CWF19L1: variants seen among roughly 807,000 people sequenced by gnomAD.
The protein encoded by CWF19L1 is CWF19 like cell cycle control factor 1.
A neutral mutation model predicts 69.7 loss-of-function variants in CWF19L1; 60 were observed. The ratio of observed to expected loss-of-function variants is 0.86; its 90% CI spans 0.70 to 1.07. The LOEUF (loss-of-function observed/expected upper bound fraction) is 1.07, where lower values mean the gene tolerates loss of function less well. CWF19L1 is among the 50% of genes least tolerant of loss of function. The probability of loss-of-function intolerance (pLI) is 0.00; values close to 1 mark genes in which losing one functional copy is unlikely to be tolerated. For synonymous variants in CWF19L1, 209 were observed against 222.2 expected, an observed-to-expected ratio of 0.94 and a Z score of 0.53; for missense variants, 591 against 638.9, an observed-to-expected ratio of 0.92 and a Z score of 0.81.
intron 10 of CWF19L1, among the ~76,000 whole-genome samples, chr10:100,240,786 G>A (rs1332915933): frequency 6.6e-6 from 1 of 152,062 alleles, no homozygotes; most frequent in African/African-American, 2.4e-5. Context: ...TATACAAATT[G>A]TGTGGGAGAG....
intron 11 of CWF19L1, chr10:100,237,282 A>G (rs1442899945): frequency 1.8e-6 from 1 of 555,662 alleles, no homozygotes; most frequent in Non-Finnish European, 3.5e-6. Context: ...CAAATGTGCC[A>G]AAAAGAAAAC....
chr10:100,247,081 G>A (rs1846850552), intron 7 of CWF19L1, 146 bp from the exon 8 acceptor site: 1 of 690,516 alleles, frequency 1.4e-6, no homozygotes, highest in Non-Finnish European at 2.2e-6. Flanking sequence ...ATAGCTCAGA[G>A]AGTAAACAGT....
At chr10:100,239,629 A>C (rs1284121929) in intron 10 of CWF19L1, among the ~76,000 whole-genome samples, 3 of 152,212 alleles carry the variant, frequency 2.0e-5, no homozygotes, top group South Asian at 2.1e-4. Context: ...ACAGAACAAG[A>C]CTGTCTCAGG....
At chr10:100,265,013 C>T (rs1280882472) in intron 1 of CWF19L1, among the ~76,000 whole-genome samples, 2 of 151,094 alleles carry the variant, frequency 1.3e-5, no homozygotes, top group African/African-American at 4.9e-5. Flanking sequence ...CCCAGCTACT[C>T]AGGAGGCTGA....
Position 100,250,121 on chromosome 10 carries a change from A to T in CWF19L1, c.708+127T>A, listed in dbSNP as rs1846973128. ...TTTCATTACCATACCTTTACAAAGG[A>T]GTCTCCGAAACTGCTGAGACCTTGC... On this transcript the variant is annotated intron_variant, in intron 7 of 13. Transcript: ENST00000354105. 5.7e-6 allele frequency: 4 copies of T among 705,950 alleles called. No individual in the cohort carries two copies. In the East Asian group the frequency reaches 1.0e-4, roughly 18 times the overall value. The allele number at this position is 705,950 out of a possible 1,614,324, so 43.7% of individuals were successfully genotyped here.
chr10:100,253,738 T>C (rs1847118848), intron 5 of CWF19L1, 199 bp from the exon 6 acceptor site: 5 of 457,542 alleles, frequency 1.1e-5, no homozygotes, highest in Non-Finnish European at 1.9e-5. Context: ...ACTATGAATG[T>C]AGAAATAGGA....
At chr10:100,254,374 C>CA (rs1847142153) in intron 5 of CWF19L1, 1 of 152,200 alleles carries the variant, frequency 6.6e-6, no homozygotes, top group Admixed American at 6.5e-5. Context: ...GGCATAACCA[C>CA]ACCCTTCTTA....
rs1847435673 is a variant in CWF19L1, at chr10:100,262,410, TCACA to T, written c.24-351_24-348del. ...ATCAATCCCTTTTTCCAAACATCTT[TCACA>T]TTCATTCTATCCTTCTTATTTTGAC... On this transcript the variant is annotated intron_variant, in intron 1 of 13. Transcript: ENST00000354105. 7.1e-6 allele frequency: 7 copies of T among 983,506 alleles called. No individual in the cohort carries two copies. The African/African-American group carries it at 7.1e-5, about 10-fold the overall frequency. The allele number at this position is 983,506 out of a possible 1,614,324, so 60.9% of individuals were successfully genotyped here. A position where few individuals can be genotyped will look rare whatever the true frequency, so the allele number is the denominator to read the frequency against.
chr10:100,238,455 C>T (rs1224035670), intron 10 of CWF19L1, among the ~76,000 whole-genome samples: 1 of 152,160 alleles, frequency 6.6e-6, no homozygotes, highest in Non-Finnish European at 1.5e-5. Flanking sequence ...ATGCAAGTAG[C>T]AAATGAACTA....
rs1349918391 is a variant in CWF19L1 at position 100,238,142 on chromosome 10, T to G, written c.1134A>C (p.Ser378=). ...TCTCCACCTCTTCTACCACCTCTGC[T>G]GAAAGCTCCACCACTGACTGGTAGT... ...IGHYQSVVEL[S]AEVVEEVEKY... is the part of the protein sequence containing the mutation. Residue 378 remains serine (S), a synonymous_variant, in exon 11 of 14, where the codon TCA becomes TCC. Transcript: ENST00000354105. The G allele has an allele frequency of 6.2e-7, 1 of 1,614,162 alleles. No individual in the cohort carries two copies. Among genetic ancestry groups the G allele is most frequent in the Non-Finnish European group, 8.5e-7 (1 of 1,180,018 alleles).
rs117727342 is a variant in CWF19L1 at position 100,266,097 on chromosome 10, C to T, written c.23+1474G>A. ...GCTCAATCCTAACATTCTCGGGAAGCCTTCTTGACTCCTATCATTAAGCCA... is the reference window on the plus strand; with the variant it reads ...GCTCAATCCTAACATTCTCGGGAAGTCTTCTTGACTCCTATCATTAAGCCA... On this transcript the variant is annotated intron_variant, in intron 1 of 13. Coordinates refer to ENST00000354105, the MANE Select transcript of CWF19L1 (RefSeq NM_018294.6). 5.7e-3 allele frequency among the ~76,000 whole-genome samples: 873 copies of T among 152,176 alleles called. 4 individuals carry two copies. Among genetic ancestry groups the T allele is most frequent in the Non-Finnish European group, 8.9e-3 (605 of 68,010 alleles).
intron 1 of CWF19L1, among the ~76,000 whole-genome samples, chr10:100,265,643 CTT>C (rs1217304467): frequency 3.3e-5 from 5 of 151,812 alleles, no homozygotes; most frequent in African/African-American, 1.2e-4. Context: ...GCCTCAACCT[CTT>C]GAGTAGCTGG....
In CWF19L1 at chr10:100,233,382, A is replaced by G; in HGVS notation, c.1473-11T>C. ...CTGGCCAGGACCTCCCTGCAGAAATAGCACAAAGAAGTCAAAATGGAAACT... is the reference window on the plus strand; with the variant it reads ...CTGGCCAGGACCTCCCTGCAGAAATGGCACAAAGAAGTCAAAATGGAAACT... On this transcript the variant is annotated splice_polypyrimidine_tract_variant and intron_variant, in intron 13 of 13. Transcript: ENST00000354105. 1 of 1,607,418 alleles carries G rather than the reference A, an allele frequency of 6.2e-7. No homozygotes were observed. Among genetic ancestry groups the G allele is most frequent in the Non-Finnish European group, 8.5e-7 (1 of 1,176,434 alleles).
At chr10:100,249,430 T>C (rs980370475) in intron 7 of CWF19L1, among the ~76,000 whole-genome samples, 30 of 152,106 alleles carry the variant, frequency 2.0e-4, no homozygotes, top group Admixed American at 6.5e-5. Flanking sequence ...AAATCAGAAA[T>C]ACTCTCAGAG....
intron 10 of CWF19L1, among the ~76,000 whole-genome samples, chr10:100,239,288 T>G (rs923040064): frequency 3.9e-5 from 6 of 152,148 alleles, no homozygotes; most frequent in Non-Finnish European, 5.9e-5. Flanking sequence ...GAAGATGCCA[T>G]GAGTGAGCAC....
chr10:100,266,870 G>A (rs996306224), intron 1 of CWF19L1, among the ~76,000 whole-genome samples: 140 of 149,306 alleles, frequency 9.4e-4, no homozygotes, highest in African/African-American at 3.3e-3. Flanking sequence ...TTTGTTTTGA[G>A]AGTCTCGTTC....
chr10:100,241,000 CTTTTTTTTTTTTTTTT>C (rs56262807), intron 10 of CWF19L1, among the ~76,000 whole-genome samples: 1 of 70,608 alleles, frequency 1.4e-5, no homozygotes, highest in Non-Finnish European at 2.7e-5. Context: ...CTAATTAAGC[CTTTTTTTTTTTTTTTT>C]TTTTTTTTTT....
intron 12 of CWF19L1, among the ~76,000 whole-genome samples, chr10:100,236,101 CTTTTT>C (rs781285945): frequency 7.6e-6 from 1 of 131,350 alleles, no homozygotes; most frequent in Non-Finnish European, 1.6e-5. Flanking sequence ...TCCACTGCCT[CTTTTT>C]TTTTTTTTTT....
At chr10:100,249,607 CAG>C (rs1279326227) in intron 7 of CWF19L1, among the ~76,000 whole-genome samples, 2 of 151,966 alleles carry the variant, frequency 1.3e-5, no homozygotes, top group African/African-American at 4.8e-5. Context: ...TTTCCCGAGA[CAG>C]AGTCTCACTT....
Sources: allele counts gnomAD v4.1 joint callset (sites outside exome capture counted in the v4.1 genomes callset), GRCh38; gene constraint gnomAD v4.1.1; transcripts MANE v1.5; gene names NCBI Gene and HGNC (gene_info 2026-07-23, HGNC 2026-07-21).